BIRC6: variants seen among roughly 807,000 people sequenced by gnomAD.
BIRC6 encodes the protein dual E2 ubiquitin-conjugating enzyme/E3 ubiquitin-protein ligase BIRC6.
BIRC6 carries 98 observed loss-of-function variants against 503.3 expected under a neutral mutation model. The observed-to-expected ratio is 0.19, with a 90% CI of 0.17 to 0.23. The LOEUF (loss-of-function observed/expected upper bound fraction) is 0.23, where lower values mean the gene tolerates loss of function less well. BIRC6 is among the 10% of genes least tolerant of loss of function. The pLI is 1.00. For missense variants in BIRC6, 5,360 were observed against 5,806.0 expected (o/e 0.92, Z 2.50); for synonymous variants, 2,240 against 2,078.7 (o/e 1.08, Z -2.11).
At chr2:32,593,241 ACT>A (rs2061491383) in intron 66 of BIRC6, among the ~76,000 whole-genome samples, 1 of 152,118 alleles carries the variant, frequency 6.6e-6, no homozygotes, top group Non-Finnish European at 1.5e-5. Flanking sequence ...GTTTTCAGTG[ACT>A]CTTGTATTAA....
intron 42 of BIRC6, 103 bp from the exon 43 acceptor site, chr2:32,489,938 A>G: frequency 2.6e-6 from 2 of 777,368 alleles, no homozygotes; most frequent in Non-Finnish European, 4.4e-6. Flanking sequence ...TAAGGAGCGG[A>G]TTTAAAGAAA....
At chr2:32,612,506 T>C (rs139001928) in intron 73 of BIRC6, among the ~76,000 whole-genome samples, 1,917 of 152,204 alleles carry the variant, frequency 0.013, 27 homozygotes, top group Non-Finnish European at 0.014. Context: ...TGGCTTGTTA[T>C]CTTCTAACTT....
Position 32,357,694 on chromosome 2 carries a change from G to A in BIRC6, c.325+208G>A, listed in dbSNP as rs531282892. Among the ~76,000 whole-genome samples the A allele has an allele frequency of 1.5e-3, 225 of 152,148 alleles. 1 individual carries two copies. The highest frequency in any genetic ancestry group is 2.9e-3 in the Non-Finnish European group (197 of 68,022). On this transcript the variant is annotated intron_variant, in intron 1 of 73. Coordinates refer to ENST00000421745, the MANE Select transcript of BIRC6 (RefSeq NM_016252.4). The surrounding 1 kb of genome is among the most constrained non-coding windows in gnomAD (Gnocchi z 4.9). ...GCTGCAGTTGGGAGGAAAGACCGGC[G>A]AGTCAGGGAGTGGTGGGAGGGGAGT...
chr2:32,358,380 C>G (rs183215472), intron 1 of BIRC6, among the ~76,000 whole-genome samples: 2 of 152,180 alleles, frequency 1.3e-5, no homozygotes, highest in Admixed American at 1.3e-4. Context: ...CTTTCAGATG[C>G]GTGAGGTGTA....
intron 1 of BIRC6, among the ~76,000 whole-genome samples, chr2:32,373,540 G>C (rs1484278571): frequency 6.6e-6 from 1 of 152,164 alleles, no homozygotes; most frequent in Non-Finnish European, 1.5e-5. Context: ...CGTGCAAAAA[G>C]TATAAAGTTG....
chr2:32,578,979 A>AATATATAT lies in BIRC6; in HGVS notation c.13355+3617_13355+3624dup, dbSNP rs1407258691. Among the ~76,000 whole-genome samples, 39 of 74,316 alleles carry AATATATAT rather than the reference A, an allele frequency of 5.2e-4. 6 individuals carry two copies. The highest frequency in any genetic ancestry group is 2.4e-3 in the East Asian group (9 of 3,686). The allele number at this position is 74,316 out of a possible 152,430, so 48.8% of individuals were successfully genotyped here. A position where few individuals can be genotyped will look rare whatever the true frequency, so the allele number is the denominator to read the frequency against. On this transcript the variant is annotated intron_variant, in intron 66 of 73. Transcript: ENST00000421745. ...GTTTACTACTTATTTTTATATACCT[A>AATATATAT]ATATATATATACACTTAATATATAT...
Position 32,357,042 on chromosome 2 carries a change from C to A in BIRC6, c.-120C>A. 7 of 895,672 alleles carry A rather than the reference C, an allele frequency of 7.8e-6. No homozygotes were observed. The South Asian group carries it at 1.2e-4, about 15-fold the overall frequency. The allele number at this position is 895,672 out of a possible 1,614,324, so 55.5% of individuals were successfully genotyped here. A position where few individuals can be genotyped will look rare whatever the true frequency, so the allele number is the denominator to read the frequency against. On this transcript the variant is annotated 5_prime_UTR_variant, in exon 1 of 74. Transcript: ENST00000421745. This position sits in a 1 kb window ranked among gnomAD's most constrained non-coding sequence, Gnocchi z 4.9. ...CCCCGCCTCCCTCCCTGCTTCTCCC[C>A]CTCTCCCGTCAGCCTCCCTCCGAGT...
At position 32,357,482 on chromosome 2, in the gene BIRC6, C is replaced by G. The variant is rs761446695; in HGVS notation, c.321C>G (p.Leu107=). ...GGGCCACACTGCAGGCCTCCGCGCT[C>G]AGTGGTGAGTCTTCCGCACGCCGGG... The part of the protein sequence containing the change: ...TSGATLQASA[L]SAKPGGQVKC... Residue 107 remains leucine (L), a synonymous_variant, in exon 1 of 74, where the codon CTC becomes CTG. Transcript: ENST00000421745. The surrounding 1 kb of genome is among the most constrained non-coding windows in gnomAD (Gnocchi z 4.9). 4 of 1,547,686 alleles carry G rather than the reference C, an allele frequency of 2.6e-6. No homozygotes were observed. The highest frequency in any genetic ancestry group is 2.0e-5 in the Admixed American group (1 of 50,850).
At position 32,431,408 on chromosome 2, in the gene BIRC6, C is replaced by CTGGT. The variant is rs2044109719; in HGVS notation, c.3248+319_3248+322dup. On this transcript the variant is annotated intron_variant, in intron 12 of 73. Coordinates refer to ENST00000421745, the MANE Select transcript of BIRC6 (RefSeq NM_016252.4). ...ATGGGGTTTCACTCTGTTGGCCATG[C>CTGGT]TGGTCCCGAACTCCTGATCTCAGGT... Among the ~76,000 whole-genome samples, 3 of 151,842 alleles carry CTGGT rather than the reference C, an allele frequency of 2.0e-5. No individual in the cohort carries two copies. In the South Asian group the frequency reaches 6.2e-4, roughly 32 times the overall value.
At chr2:32,521,365 CAAAAAAAAAAAAAAA>C (rs35410265) in intron 57 of BIRC6, among the ~76,000 whole-genome samples, 2 of 21,506 alleles carry the variant, frequency 9.3e-5, no homozygotes, top group Admixed American at 1.1e-3. Context: ...GACCTCATCT[CAAAAAAAAAAAAAAA>C]AAAAAAAAAA....
Position 32,445,749 on chromosome 2 carries a change from T to C in BIRC6, c.4484+81T>C, listed in dbSNP as rs1035469296. ...TTGCAGAGAACTGTTATTTAATATA[T>C]ATATGCTGATAACAGTCTTTTTCTT... On this transcript the variant is annotated intron_variant, in intron 21 of 73. Transcript: ENST00000421745. 9.0e-6 allele frequency: 9 copies of C among 998,526 alleles called. No homozygotes were observed. The African/African-American group carries it at 1.5e-4, about 17-fold the overall frequency. 61.9% of individuals were successfully genotyped at this position (998,526 alleles called of 1,614,324 possible).
intron 6 of BIRC6, among the ~76,000 whole-genome samples, chr2:32,400,039 C>G (rs1018599417): frequency 6.6e-6 from 1 of 152,118 alleles, no homozygotes; most frequent in Non-Finnish European, 1.5e-5. Context: ...AAGGATCCAA[C>G]CACCTTGGCC....
intron 51 of BIRC6, among the ~76,000 whole-genome samples, chr2:32,509,103 G>A (rs2054120118): frequency 6.6e-6 from 1 of 151,922 alleles, no homozygotes; most frequent in East Asian, 1.9e-4. Context: ...TATTTTCAAG[G>A]TGCTAAGACT....
At chr2:32,467,815 A>C in intron 27 of BIRC6, 76 bp downstream of exon 27, 1 of 1,447,904 alleles carries the variant, frequency 6.9e-7, no homozygotes, top group Non-Finnish European at 9.3e-7. Context: ...TATATAATTA[A>C]AAAATATAAC....
At chr2:32,489,447 A>C (rs2051416816) in intron 42 of BIRC6, among the ~76,000 whole-genome samples, 1 of 151,726 alleles carries the variant, frequency 6.6e-6, no homozygotes. Flanking sequence ...TTATAATAAA[A>C]TTTGTTTTCA....
intron 65 of BIRC6, among the ~76,000 whole-genome samples, chr2:32,571,445 T>C (rs2150963200): frequency 6.7e-6 from 1 of 150,244 alleles, no homozygotes; most frequent in South Asian, 2.1e-4. Flanking sequence ...CTGCTTGTTA[T>C]TAGTTTGTTT....
At chr2:32,585,296 G>A (rs1013088177) in intron 66 of BIRC6, among the ~76,000 whole-genome samples, 7 of 151,940 alleles carry the variant, frequency 4.6e-5, no homozygotes, top group African/African-American at 1.5e-4. Context: ...TCTGATTGAC[G>A]ACTTAGGCAG....
intron 8 of BIRC6, 108 bp from the exon 9 acceptor site, chr2:32,406,391 C>A: frequency 1.4e-6 from 1 of 740,154 alleles, no homozygotes; most frequent in Non-Finnish European, 2.3e-6. Flanking sequence ...AGACTGAGAC[C>A]CTGTCTCAAA....
intron 57 of BIRC6, among the ~76,000 whole-genome samples, chr2:32,521,596 G>A (rs2055716642): frequency 6.6e-6 from 1 of 151,324 alleles, no homozygotes; most frequent in South Asian, 2.1e-4. Flanking sequence ...AGTCTGCAGA[G>A]TAGCTGGGAT....
Sources: gnomAD v4.1 joint callset for allele counts (sites outside exome capture counted in the v4.1 genomes callset) on GRCh38, gnomAD v4.1.1 for gene constraint, Gnocchi (gnomAD v3.1) non-coding constraint, MANE v1.5 for transcripts, NCBI Gene and HGNC (gene_info 2026-07-23, HGNC 2026-07-21) for gene names.